Variants in SMCHD1 observed in about 807,000 individuals in gnomAD.
SMCHD1 encodes structural maintenance of chromosomes flexible hinge domain-containing protein 1.
In SMCHD1, 78 loss-of-function variants were observed where a neutral mutation model predicts 254.7. The ratio of observed to expected loss-of-function variants is 0.31; its 90% CI spans 0.26 to 0.37. The LOEUF is 0.37. SMCHD1 is among the 10% of genes least tolerant of loss of function. The pLI is 1.00. For missense variants in SMCHD1, 1,840 were observed against 2,408.1 expected, an observed-to-expected ratio of 0.76 and a Z score of 4.94; for synonymous variants, 766 against 794.9, an observed-to-expected ratio of 0.96 and a Z score of 0.61.
At chr18:2,774,569 C>G (rs189618663) in intron 41 of SMCHD1, among the ~76,000 whole-genome samples, 2 of 152,124 alleles carry the variant, frequency 1.3e-5, no homozygotes, top group African/African-American at 4.8e-5. Context: ...TGCCACCATG[C>G]CCCCCTAATT....
At chr18:2,675,694 G>GAAT (rs1338341916) in intron 5 of SMCHD1, among the ~76,000 whole-genome samples, 1 of 152,160 alleles carries the variant, frequency 6.6e-6, no homozygotes, top group Admixed American at 6.5e-5. Context: ...GCATATCACA[G>GAAT]AAGTATTAGG....
chr18:2,685,896 T>A (rs1325003363), intron 5 of SMCHD1, among the ~76,000 whole-genome samples: 1 of 152,244 alleles, frequency 6.6e-6, no homozygotes, highest in East Asian at 1.9e-4. Context: ...TTCTACCTTT[T>A]GTCTTTTGAT....
At chr18:2,688,866 A>G in intron 7 of SMCHD1, 119 bp downstream of exon 7, 1 of 603,406 alleles carries the variant, frequency 1.7e-6, no homozygotes, top group Non-Finnish European at 2.6e-6. Flanking sequence ...AGTCATAATA[A>G]CAAAAATGGG....
intron 47 of SMCHD1, among the ~76,000 whole-genome samples, chr18:2,801,852 G>A (rs1365403409): frequency 1.3e-5 from 2 of 152,034 alleles, no homozygotes; most frequent in Admixed American, 1.3e-4. Context: ...GATGTTAAGT[G>A]TGAAAAAATA....
At chr18:2,710,575 T>TA (rs924071206) in intron 17 of SMCHD1, among the ~76,000 whole-genome samples, 4 of 152,114 alleles carry the variant, frequency 2.6e-5, no homozygotes, top group Non-Finnish European at 5.9e-5. Context: ...GGGTTTTTTT[T>TA]ATGGATTATT....
rs1424326644 is a variant in SMCHD1, at chr18:2,673,427, GGAGAAAAT to G, written c.507+73_507+80del. On this transcript the variant is annotated intron_variant, in intron 4 of 47. Coordinates refer to ENST00000320876, the MANE Select transcript of SMCHD1 (RefSeq NM_015295.3). Reference sequence around the variant, plus strand: ...TTTGTAAGAGTAATAAAAGTTTATTGGAGAAAATGAGAAAATAGAGATAAAACTAAAAG... The same window carrying G: ...TTTGTAAGAGTAATAAAAGTTTATTGGAGAAAATAGAGATAAAACTAAAAG... 3 of 1,113,228 alleles carry G rather than the reference GGAGAAAAT, an allele frequency of 2.7e-6. No individual in the cohort carries two copies. In the African/African-American group the frequency reaches 4.8e-5, roughly 18 times the overall value. 69.0% of individuals were successfully genotyped at this position (1,113,228 alleles called of 1,614,324 possible).
rs1378718310 is a variant in SMCHD1, at chr18:2,802,703, T to C, written c.*151T>C. 3.4e-6 allele frequency: 2 copies of C among 596,534 alleles called. No homozygotes were observed. Among genetic ancestry groups the C allele is most frequent in the Non-Finnish European group, 2.8e-6 (1 of 356,294 alleles). 37.0% of individuals were successfully genotyped at this position (596,534 alleles called of 1,614,324 possible). On this transcript the variant is annotated 3_prime_UTR_variant, in exon 48 of 48. Transcript: ENST00000320876. ...GCATGAATTTCCATTTCGATTCAGA[T>C]GGGACTGGAAACAACCATTCAATTT...
At chr18:2,719,809 G>A (rs2074886009) in intron 19 of SMCHD1, among the ~76,000 whole-genome samples, 1 of 152,008 alleles carries the variant, frequency 6.6e-6, no homozygotes, top group Non-Finnish European at 1.5e-5. Context: ...CCGGGTAGCT[G>A]GGATTACAGG....
rs117076053 is a variant in SMCHD1, at chr18:2,752,051, T to C, written c.4282-437T>C. Reference sequence around the variant, plus strand: ...TCACACATAGCCATTGGCTACCATATTGGATAATGCAGATCTGAAATAAAT... The same window carrying C: ...TCACACATAGCCATTGGCTACCATACTGGATAATGCAGATCTGAAATAAAT... On this transcript the variant is annotated intron_variant, in intron 33 of 47. Coordinates refer to ENST00000320876, the MANE Select transcript of SMCHD1 (RefSeq NM_015295.3). Among the ~76,000 whole-genome samples the C allele has an allele frequency of 5.4e-3, 825 of 152,226 alleles. 3 individuals are homozygous for C. Among genetic ancestry groups the C allele is most frequent in the Non-Finnish European group, 8.8e-3 (597 of 67,960 alleles).
intron 25 of SMCHD1, among the ~76,000 whole-genome samples, chr18:2,732,747 G>A (rs1033842582): frequency 6.6e-6 from 1 of 152,126 alleles, no homozygotes; most frequent in Non-Finnish European, 1.5e-5. Flanking sequence ...ATTTTGTTTA[G>A]TTGTGCTCTT....
intron 17 of SMCHD1, among the ~76,000 whole-genome samples, chr18:2,712,646 A>G (rs2074707025): frequency 6.6e-6 from 1 of 152,184 alleles, no homozygotes; most frequent in African/African-American, 2.4e-5. Context: ...CCAAGGGACA[A>G]CTGTATATCT....
intron 15 of SMCHD1, among the ~76,000 whole-genome samples, chr18:2,707,057 T>C (rs1204645228): frequency 6.6e-6 from 1 of 152,174 alleles, no homozygotes; most frequent in Non-Finnish European, 1.5e-5. Context: ...GGGGAAACCA[T>C]TCCTGTGATC....
rs117105461 is a variant in SMCHD1, at chr18:2,737,740, T to C, written c.3277-657T>C. On this transcript the variant is annotated intron_variant, in intron 25 of 47. Transcript: ENST00000320876. The stretch of plus-strand genomic sequence containing the variant: ...AAAAATAAAAATAGAATATGAGTGA[T>C]TTTAAAATCACAACTATAGAAGGCT... 3.3e-5 allele frequency among the ~76,000 whole-genome samples: 5 copies of C among 152,230 alleles called. No homozygotes were observed. In the East Asian group the frequency reaches 9.6e-4, roughly 29 times the overall value.
At chr18:2,749,025 T>G (rs904615704) in intron 30 of SMCHD1, among the ~76,000 whole-genome samples, 4 of 152,116 alleles carry the variant, frequency 2.6e-5, no homozygotes, top group African/African-American at 9.7e-5. Context: ...GTAATTACAG[T>G]TGGAGTTTTT....
intron 33 of SMCHD1, among the ~76,000 whole-genome samples, 190 bp downstream of exon 33, chr18:2,751,583 AAG>A (rs1275153988): frequency 6.6e-6 from 1 of 152,168 alleles, no homozygotes; most frequent in African/African-American, 2.4e-5. Context: ...GCTATTGAAA[AAG>A]AGTAGTCTAC....
rs558095957 is a variant in SMCHD1, at chr18:2,678,815, G to A, written c.638+4670G>A. Among the ~76,000 whole-genome samples, 64 of 29,632 alleles carry A rather than the reference G, an allele frequency of 2.2e-3. 1 individual carries two copies. The East Asian group carries it at 0.17, about 81-fold the overall frequency. 19.4% of individuals were successfully genotyped at this position (29,632 alleles called of 152,430 possible). A position where few individuals can be genotyped will look rare whatever the true frequency, so the allele number is the denominator to read the frequency against. On this transcript the variant is annotated intron_variant, in intron 5 of 47. Transcript: ENST00000320876. ...ATGTCTAGAATGTCTTAATCTTTCCGTTTTTTGTTTTTTTTTTTTTTTTGT... is the reference window on the plus strand; with the variant it reads ...ATGTCTAGAATGTCTTAATCTTTCCATTTTTTGTTTTTTTTTTTTTTTTGT...
In SMCHD1 at chr18:2,726,443, T is replaced by C; in HGVS notation, c.2701-9T>C. The C allele has an allele frequency of 6.8e-7, 1 of 1,475,524 alleles. No individual in the cohort carries two copies. The highest frequency in any genetic ancestry group is 1.4e-5 in the African/African-American group (1 of 70,584). The allele number at this position is 1,475,524 out of a possible 1,614,324, so 91.4% of individuals were successfully genotyped here. A position where few individuals can be genotyped will look rare whatever the true frequency, so the allele number is the denominator to read the frequency against. ...ACTGGGTTTAATTTTTACTGTTTTT[T>C]TCCAACAGAATTATAATCTGAAGGT... is the stretch of plus-strand genomic sequence containing the variant. On this transcript the variant is annotated splice_polypyrimidine_tract_variant and intron_variant, in intron 21 of 47. Transcript: ENST00000320876.
chr18:2,679,915 AAAT>A (rs2073886885), intron 5 of SMCHD1, among the ~76,000 whole-genome samples: 1 of 152,078 alleles, frequency 6.6e-6, no homozygotes, highest in South Asian at 2.1e-4. Context: ...TCCTCAAACT[AAAT>A]AATTTCAATC....
intron 12 of SMCHD1, among the ~76,000 whole-genome samples, chr18:2,703,445 T>TA (rs1169063442): frequency 1.3e-5 from 2 of 152,304 alleles, no homozygotes; most frequent in South Asian, 4.1e-4. Flanking sequence ...AGGAAGGTTT[T>TA]ATTGTTGATA....
Sources: gnomAD v4.1 joint callset for allele counts (sites outside exome capture counted in the v4.1 genomes callset) on GRCh38, gnomAD v4.1.1 for gene constraint, MANE v1.5 for transcripts, NCBI Gene and HGNC (gene_info 2026-07-23, HGNC 2026-07-21) for gene names.